Variants in NCOA1 observed in about 807,000 individuals in gnomAD.
The protein encoded by NCOA1 is Hin-2 protein.
A neutral mutation model predicts 150.9 loss-of-function variants in NCOA1; 35 were observed. The ratio of observed to expected loss-of-function variants is 0.23; its 90% CI spans 0.18 to 0.31. The LOEUF (loss-of-function observed/expected upper bound fraction) is 0.31, where lower values mean the gene tolerates loss of function less well. NCOA1 is among the 10% of genes least tolerant of loss of function. NCOA1 has a pLI of 1.00. For synonymous variants in NCOA1, 590 were observed against 630.0 expected, an observed-to-expected ratio of 0.94 and a Z score of 0.95; for missense variants, 1,491 against 1,749.3, an observed-to-expected ratio of 0.85 and a Z score of 2.63.
At chr2:24,516,540 C>T (rs572580082) in intron 1 of NCOA1, among the ~76,000 whole-genome samples, 67 of 151,562 alleles carry the variant, frequency 4.4e-4, no homozygotes, top group South Asian at 1.0e-3. Flanking sequence ...AAGTTCATTA[C>T]ATTGTGTCAT....
At chr2:24,591,684 T>C (rs549004260) in intron 3 of NCOA1, among the ~76,000 whole-genome samples, 2 of 152,152 alleles carry the variant, frequency 1.3e-5, no homozygotes, top group African/African-American at 4.8e-5. Context: ...ATGCATCTAC[T>C]CTTCTATTGG....
chr2:24,516,186 CTTTTTTTTT>C (rs755818385), intron 1 of NCOA1, among the ~76,000 whole-genome samples: 2 of 93,012 alleles, frequency 2.2e-5, no homozygotes, highest in South Asian at 3.8e-4. Context: ...TAGGTTTTGC[CTTTTTTTTT>C]TTTTTTTTTT....
At chr2:24,655,342 T>C (rs6708615) in intron 4 of NCOA1, among the ~76,000 whole-genome samples, 63,866 of 152,070 alleles carry the variant, frequency 0.42, 16,120 homozygotes, top group Admixed American at 0.6. Context: ...ATATAATCTA[T>C]ATGCTTGTAT....
chr2:24,700,170 A>G (rs912783493), intron 11 of NCOA1, among the ~76,000 whole-genome samples: 4 of 149,138 alleles, frequency 2.7e-5, no homozygotes, highest in African/African-American at 9.8e-5. Flanking sequence ...AATAATAATA[A>G]TAATAATAAT....
rs759085737 is a variant in NCOA1, at chr2:24,693,234, C to G, written c.713-18C>G. On this transcript the variant is annotated intron_variant, in intron 9 of 22. Transcript: ENST00000348332. ...TTCTACTCTCTATCCTTCAATTTCCCCGTCTTGTTTTGGGCAGATTTCCAG... is the reference window on the plus strand; with the variant it reads ...TTCTACTCTCTATCCTTCAATTTCCGCGTCTTGTTTTGGGCAGATTTCCAG... The G allele has an allele frequency of 3.1e-6, 5 of 1,610,244 alleles. No homozygotes were observed. Among genetic ancestry groups the G allele is most frequent in the South Asian group, 1.1e-5 (1 of 90,990 alleles).
intron 1 of NCOA1, among the ~76,000 whole-genome samples, chr2:24,549,744 G>A (rs1209517825): frequency 6.6e-6 from 1 of 152,092 alleles, no homozygotes; most frequent in Non-Finnish European, 1.5e-5. Context: ...TTTTGTTTTT[G>A]TATTTTTAGT....
At chr2:24,557,323 C>T (rs1294420439) in intron 1 of NCOA1, among the ~76,000 whole-genome samples, 1 of 152,058 alleles carries the variant, frequency 6.6e-6, no homozygotes, top group Non-Finnish European at 1.5e-5. Flanking sequence ...TTGTATCTCC[C>T]CTTTTTATGC....
At chr2:24,597,511 T>TG (rs1667931550) in intron 3 of NCOA1, among the ~76,000 whole-genome samples, 1 of 149,580 alleles carries the variant, frequency 6.7e-6, no homozygotes, top group Non-Finnish European at 1.5e-5. Flanking sequence ...GGGCTGGGGC[T>TG]GGGGCTGGGG....
intron 1 of NCOA1, among the ~76,000 whole-genome samples, chr2:24,517,971 G>A (rs1232435924): frequency 6.6e-6 from 1 of 152,096 alleles, no homozygotes; most frequent in Non-Finnish European, 1.5e-5. Context: ...GTCTACAAGT[G>A]TATGTATTTT....
At chr2:24,699,357 A>G (rs893086102) in intron 11 of NCOA1, among the ~76,000 whole-genome samples, 3 of 152,230 alleles carry the variant, frequency 2.0e-5, no homozygotes, top group African/African-American at 7.2e-5. Flanking sequence ...TAGGCTCCCC[A>G]TAGATGTGAC....
At chr2:24,752,206 C>T (rs770253657) in intron 20 of NCOA1, 50 bp downstream of exon 20, 27 of 1,572,446 alleles carry the variant, frequency 1.7e-5, no homozygotes, top group Non-Finnish European at 7.8e-6. Context: ...GTGATAAATC[C>T]TTGATACTGA....
chr2:24,560,127 C>G (rs192159825), intron 1 of NCOA1, among the ~76,000 whole-genome samples: 2 of 152,182 alleles, frequency 1.3e-5, no homozygotes, highest in Admixed American at 1.3e-4. Context: ...CGTGGAAAAT[C>G]TTGCAACTGA....
At chr2:24,712,054 C>T (rs1673771925) in intron 14 of NCOA1, among the ~76,000 whole-genome samples, 1 of 152,144 alleles carries the variant, frequency 6.6e-6, no homozygotes. Flanking sequence ...ATCTTGAATC[C>T]ATCTGTGACA....
chr2:24,728,124 G>A (rs1264708831), intron 15 of NCOA1, among the ~76,000 whole-genome samples, 184 bp from the exon 16 acceptor site: 1 of 152,142 alleles, frequency 6.6e-6, no homozygotes, highest in Admixed American at 6.6e-5. Flanking sequence ...CTATATTCAA[G>A]CTACATACCA....
At chr2:24,617,058 T>C (rs1668903143) in intron 3 of NCOA1, among the ~76,000 whole-genome samples, 1 of 152,136 alleles carries the variant, frequency 6.6e-6, no homozygotes, top group Non-Finnish European at 1.5e-5. Context: ...AAAGAGACTT[T>C]ATAATACTGT....
intron 8 of NCOA1, among the ~76,000 whole-genome samples, chr2:24,687,373 T>C (rs55919946): frequency 0.036 from 5,523 of 152,112 alleles, 126 homozygotes; most frequent in East Asian, 0.11. Flanking sequence ...TTTTTTTAAC[T>C]TTTATTTTAG....
intron 1 of NCOA1, among the ~76,000 whole-genome samples, chr2:24,558,062 C>T (rs1424211456): frequency 6.6e-6 from 1 of 150,774 alleles, no homozygotes; most frequent in African/African-American, 2.5e-5. Flanking sequence ...TATTTTTTGT[C>T]TCCATTATTT....
chr2:24,502,133 A>G (rs769114365), intron 1 of NCOA1, among the ~76,000 whole-genome samples: 2 of 152,172 alleles, frequency 1.3e-5, no homozygotes, highest in Non-Finnish European at 1.5e-5. Flanking sequence ...AATTAAAAAG[A>G]GTGGACCTAT....
intron 8 of NCOA1, among the ~76,000 whole-genome samples, chr2:24,688,200 T>C (rs1215209820): frequency 6.6e-6 from 1 of 152,230 alleles, no homozygotes; most frequent in African/African-American, 2.4e-5. Flanking sequence ...TTGTGAATAC[T>C]GTGGCAATGA....
Sources: allele counts gnomAD v4.1 joint callset (sites outside exome capture counted in the v4.1 genomes callset), GRCh38; gene constraint gnomAD v4.1.1; transcripts MANE v1.5; gene names NCBI Gene and HGNC (gene_info 2026-07-23, HGNC 2026-07-21).